JKAMP: variants seen among roughly 807,000 people sequenced by gnomAD.
JKAMP encodes JNK1/MAPK8 associated membrane protein, also known as JNK1/MAPK8-associated membrane protein.
Under a neutral mutation model 40.2 loss-of-function variants are expected in JKAMP, and 20 were observed. That is an observed-to-expected ratio of 0.50 (90% confidence interval 0.35 to 0.72). The LOEUF is 0.72. Ranked by LOEUF, JKAMP falls within the 30% of genes least tolerant of loss-of-function variation. The probability of loss-of-function intolerance (pLI) is 0.01; values close to 1 mark genes in which losing one functional copy is unlikely to be tolerated. For synonymous variants in JKAMP, 138 were observed against 131.6 expected (o/e 1.05, Z -0.33); for missense variants, 276 against 373.0 (o/e 0.74, Z 2.14).
intron 6 of JKAMP, among the ~76,000 whole-genome samples, chr14:59,503,241 AAGAG>A (rs1410767471): frequency 4.6e-5 from 7 of 152,196 alleles, no homozygotes; most frequent in Non-Finnish European, 1.0e-4. Context: ...GCTGTTTAAT[AAGAG>A]AAAGTTAGTA....
chr14:59,496,340 T>TA (rs1360067083), intron 4 of JKAMP, among the ~76,000 whole-genome samples: 38 of 151,692 alleles, frequency 2.5e-4, no homozygotes, highest in African/African-American at 9.2e-4. Context: ...AGCTTAACTC[T>TA]AAGCATTAAT....
At chr14:59,484,966 C>G in intron 1 of JKAMP, 13 of 1,542,330 alleles carry the variant, frequency 8.4e-6, no homozygotes, top group Non-Finnish European at 1.1e-5. Flanking sequence ...CATAATTTGT[C>G]TACTGCTTCA....
chr14:59,487,883 C>T, intron 3 of JKAMP, 55 bp downstream of exon 3: 1 of 1,457,704 alleles, frequency 6.9e-7, no homozygotes, highest in Non-Finnish European at 9.6e-7. Context: ...ATAATTATCA[C>T]TCAGAAGACC....
At position 59,500,133 on chromosome 14, in the gene JKAMP, A is replaced by C. The variant is rs371438155; in HGVS notation, c.641-1058A>C. Reference sequence around the variant, plus strand: ...AACATTGTTTAGCTACTTATAAGTTAAGTAGAGTTTTTGTTTTGTTTTGTT... The same window carrying C: ...AACATTGTTTAGCTACTTATAAGTTCAGTAGAGTTTTTGTTTTGTTTTGTT... On this transcript the variant is annotated intron_variant, in intron 5 of 6. Coordinates refer to ENST00000616435, the MANE Select transcript of JKAMP (RefSeq NM_016475.5). Among the ~76,000 whole-genome samples the C allele has an allele frequency of 4.5e-4, 69 of 152,306 alleles. No homozygotes were observed. The East Asian group carries it at 8.5e-3, about 19-fold the overall frequency.
chr14:59,493,463 G>A (rs1891188172), intron 3 of JKAMP, among the ~76,000 whole-genome samples: 1 of 152,176 alleles, frequency 6.6e-6, no homozygotes, highest in African/African-American at 2.4e-5. Flanking sequence ...TCACAAAATA[G>A]TGAGAAATGA....
chr14:59,503,808 C>G (rs780892770), intron 6 of JKAMP, 46 bp from the exon 7 acceptor site: 1 of 1,188,022 alleles, frequency 8.4e-7, no homozygotes, highest in Non-Finnish European at 1.2e-6. Context: ...CTGACTTAGC[C>G]TGATAATCTG....
chr14:59,503,744 G>T, intron 6 of JKAMP, 110 bp from the exon 7 acceptor site: 1 of 680,850 alleles, frequency 1.5e-6, no homozygotes. Context: ...AACATTTTAT[G>T]ATTCTGAGAT....
At chr14:59,485,488 T>C (rs1043262997) in intron 1 of JKAMP, 4 of 178,548 alleles carry the variant, frequency 2.2e-5, no homozygotes, top group Non-Finnish European at 4.7e-5. Flanking sequence ...AAGTAAAAAG[T>C]CTGCTTGAAT....
intron 1 of JKAMP, 70 bp downstream of exon 1, chr14:59,484,663 G>C (rs1890370225): frequency 6.5e-7 from 1 of 1,535,250 alleles, no homozygotes; most frequent in South Asian, 1.2e-5. Flanking sequence ...GGCTGGCCTC[G>C]GGCTCGGCTC....
At position 59,505,284 on chromosome 14, in the gene JKAMP, A is replaced by G. The variant is rs1051345050; in HGVS notation, c.*1212A>G. 4 of 1,510,292 alleles carry G rather than the reference A, an allele frequency of 2.6e-6. No homozygotes were observed. The highest frequency in any genetic ancestry group is 3.5e-6 in the Non-Finnish European group (4 of 1,128,958). The allele number at this position is 1,510,292 out of a possible 1,614,324, so 93.6% of individuals were successfully genotyped here. A position where few individuals can be genotyped will look rare whatever the true frequency, so the allele number is the denominator to read the frequency against. On this transcript the variant is annotated 3_prime_UTR_variant, in exon 7 of 7. Coordinates refer to ENST00000616435, the MANE Select transcript of JKAMP (RefSeq NM_016475.5). ...TCTCAGTACATTTAACCACTGGGAA[A>G]TGAACCCTTGTACGAATGTGTTTCT... is the stretch of plus-strand genomic sequence containing the variant.
At chr14:59,485,315 G>A in intron 1 of JKAMP, 2 of 491,306 alleles carry the variant, frequency 4.1e-6, no homozygotes, top group Non-Finnish European at 3.4e-6. Flanking sequence ...TATTAATTTA[G>A]AACATTGTGA....
intron 2 of JKAMP, chr14:59,487,163 A>G (rs898675773): frequency 4.3e-5 from 7 of 163,654 alleles, no homozygotes; most frequent in Non-Finnish European, 7.9e-5. Flanking sequence ...AGATTGCACC[A>G]CTGCATTCCA....
chr14:59,485,001 C>T (rs761144836), intron 1 of JKAMP: 1 of 1,583,578 alleles, frequency 6.3e-7, no homozygotes, highest in Admixed American at 1.8e-5. Flanking sequence ...TTTATAGCGC[C>T]CGTCACAAAG....
chr14:59,487,130 G>C (rs1038588712), intron 2 of JKAMP: 1 of 175,554 alleles, frequency 5.7e-6, no homozygotes, highest in Non-Finnish European at 1.2e-5. Flanking sequence ...TTGAACCTAG[G>C]AGGTGGAGGT....
chr14:59,489,180 C>T (rs191757555), intron 3 of JKAMP, among the ~76,000 whole-genome samples: 2 of 128,848 alleles, frequency 1.6e-5, no homozygotes, highest in East Asian at 4.0e-4. Flanking sequence ...TTAGACTCCG[C>T]TTTCCTTTTT....
rs17096306 is a variant in JKAMP at position 59,501,411 on chromosome 14, T to C, written c.717+144T>C. 2,323 of 586,822 alleles carry C rather than the reference T, an allele frequency of 4.0e-3. 33 individuals carry two copies. In the African/African-American group the frequency reaches 0.041, roughly 10 times the overall value. 36.4% of individuals were successfully genotyped at this position (586,822 alleles called of 1,614,324 possible). On this transcript the variant is annotated intron_variant, in intron 6 of 6. Transcript: ENST00000616435. ...TGATGCCACTTGGTAGCTTTTGGCT[T>C]GTTAACTTTATGAAAAGTTGTGTAC...
intron 3 of JKAMP, among the ~76,000 whole-genome samples, chr14:59,494,120 G>GT (rs1208018685): frequency 2.6e-4 from 30 of 113,336 alleles, no homozygotes; most frequent in African/African-American, 2.5e-4. Flanking sequence ...AAGAAAATTT[G>GT]GGTGTGTGTG....
At chr14:59,491,508 T>C (rs1891002012) in intron 3 of JKAMP, among the ~76,000 whole-genome samples, 1 of 152,192 alleles carries the variant, frequency 6.6e-6, no homozygotes. Flanking sequence ...ATTAATTCTA[T>C]AAGGAAGCAA....
intron 3 of JKAMP, among the ~76,000 whole-genome samples, chr14:59,491,553 GT>G (rs1293711459): frequency 6.6e-6 from 1 of 152,194 alleles, no homozygotes; most frequent in Admixed American, 6.5e-5. Flanking sequence ...GTGTGTTTAT[GT>G]TTTCAGTGTT....
Sources: gnomAD v4.1 joint callset for allele counts (sites outside exome capture counted in the v4.1 genomes callset) on GRCh38, gnomAD v4.1.1 for gene constraint, MANE v1.5 for transcripts, NCBI Gene and HGNC (gene_info 2026-07-23, HGNC 2026-07-21) for gene names.